Variants in ZMIZ1 observed in about 807,000 individuals in gnomAD.
ZMIZ1 encodes the protein zinc finger MIZ-type containing 1.
In ZMIZ1, 17 loss-of-function variants were observed where a neutral mutation model predicts 113.9. That is an observed-to-expected ratio of 0.15 (90% confidence interval 0.10 to 0.22). ZMIZ1 has a LOEUF of 0.22. Ranked by LOEUF, ZMIZ1 falls within the 10% of genes least tolerant of loss-of-function variation. The pLI, the probability that ZMIZ1 is intolerant of heterozygous loss-of-function variation, is 1.00. For synonymous variants in ZMIZ1, 607 were observed against 603.1 expected, an observed-to-expected ratio of 1.01 and a Z score of -0.09; for missense variants, 1,059 against 1,477.8, an observed-to-expected ratio of 0.72 and a Z score of 4.65.
chr10:79,315,620 C>A lies in ZMIZ1; in HGVS notation c.*2871C>A, dbSNP rs1440227823. On this transcript the variant is annotated 3_prime_UTR_variant, in exon 25 of 25. Transcript: ENST00000334512. Reference sequence around the variant, plus strand: ...TATCCATGTATCATGTTCCGTGTAGCCATTTTATTTTTTAAGAAACTGCTA... The same window carrying A: ...TATCCATGTATCATGTTCCGTGTAGACATTTTATTTTTTAAGAAACTGCTA... 1 of 152,764 alleles carries A rather than the reference C, an allele frequency of 6.5e-6. No individual in the cohort carries two copies. Among genetic ancestry groups the A allele is most frequent in the Non-Finnish European group, 1.5e-5 (1 of 68,058 alleles). The allele number at this position is 152,764 out of a possible 1,614,324, so 9.5% of individuals were successfully genotyped here. A position where few individuals can be genotyped will look rare whatever the true frequency, so the allele number is the denominator to read the frequency against.
intron 4 of ZMIZ1, among the ~76,000 whole-genome samples, chr10:79,201,303 C>G (rs536944132): frequency 6.6e-6 from 1 of 152,192 alleles, no homozygotes; most frequent in East Asian, 1.9e-4. Flanking sequence ...AGCAAAACTC[C>G]ATCTCAAAAA....
At chr10:79,168,429 C>T (rs1846456426) in intron 4 of ZMIZ1, among the ~76,000 whole-genome samples, 1 of 152,224 alleles carries the variant, frequency 6.6e-6, no homozygotes, top group African/African-American at 2.4e-5. Context: ...CAGCCATCTG[C>T]TCTTTCCCCA....
chr10:79,265,023 T>C (rs781583368), intron 7 of ZMIZ1, among the ~76,000 whole-genome samples: 19 of 152,116 alleles, frequency 1.2e-4, no homozygotes, highest in Non-Finnish European at 2.2e-4. Flanking sequence ...GGGTGAGGCA[T>C]GGCCAAACCG....
intron 2 of ZMIZ1, among the ~76,000 whole-genome samples, chr10:79,126,193 C>T (rs1224606974): frequency 2.0e-5 from 3 of 152,194 alleles, no homozygotes; most frequent in African/African-American, 7.2e-5. Flanking sequence ...ATTTGTAGGC[C>T]CAATGGTCAG....
At chr10:79,221,362 C>G (rs1053037075) in intron 7 of ZMIZ1, among the ~76,000 whole-genome samples, 1 of 152,222 alleles carries the variant, frequency 6.6e-6, no homozygotes, top group Non-Finnish European at 1.5e-5. Context: ...CGGCTCCACG[C>G]GGCCCTGGAC....
At chr10:79,216,987 G>A (rs921265801) in intron 7 of ZMIZ1, among the ~76,000 whole-genome samples, 1 of 152,202 alleles carries the variant, frequency 6.6e-6, no homozygotes, top group East Asian at 1.9e-4. Flanking sequence ...CCTGGCTTAG[G>A]CCACAGGCAC....
At chr10:79,301,767 T>C (rs1263946852) in intron 17 of ZMIZ1, among the ~76,000 whole-genome samples, 3 of 150,506 alleles carry the variant, frequency 2.0e-5, no homozygotes, top group Non-Finnish European at 4.4e-5. Flanking sequence ...CCTGGAGGAG[T>C]GAAGGGAGGG....
chr10:79,070,165 C>T (rs1419434438), intron 1 of ZMIZ1, among the ~76,000 whole-genome samples: 1 of 151,566 alleles, frequency 6.6e-6, no homozygotes, highest in African/African-American at 2.4e-5. Context: ...GAGGCGGGTT[C>T]TGGAAGCTTG....
At chr10:79,300,523 G>C (rs1040519670) in intron 16 of ZMIZ1, among the ~76,000 whole-genome samples, 1 of 152,154 alleles carries the variant, frequency 6.6e-6, no homozygotes, top group Non-Finnish European at 1.5e-5. Context: ...ATTGGTGTGC[G>C]GGGGTCTTGG....
intron 1 of ZMIZ1, among the ~76,000 whole-genome samples, chr10:79,106,064 T>C (rs148741645): frequency 1.1e-3 from 175 of 152,318 alleles, no homozygotes; most frequent in African/African-American, 3.9e-3. Context: ...CATTCTGGCA[T>C]CCGGGCCAAG....
intron 7 of ZMIZ1, among the ~76,000 whole-genome samples, chr10:79,261,811 C>G (rs980327075): frequency 2.0e-5 from 3 of 152,220 alleles, no homozygotes; most frequent in African/African-American, 7.2e-5. Flanking sequence ...TACCTTGTTA[C>G]ACCTTTAGAG....
intron 7 of ZMIZ1, among the ~76,000 whole-genome samples, chr10:79,261,558 G>C (rs1240288580): frequency 1.3e-5 from 2 of 152,230 alleles, no homozygotes; most frequent in Non-Finnish European, 2.9e-5. Context: ...ACCTGGGGCT[G>C]CTTCCTAGAG....
At chr10:79,176,819 G>C (rs1032404849) in intron 4 of ZMIZ1, among the ~76,000 whole-genome samples, 1 of 152,206 alleles carries the variant, frequency 6.6e-6, no homozygotes, top group Non-Finnish European at 1.5e-5. Context: ...TAATCTGATG[G>C]CATTGGGAAG....
intron 8 of ZMIZ1, among the ~76,000 whole-genome samples, chr10:79,287,486 CT>C (rs1853160686): frequency 6.6e-6 from 1 of 152,262 alleles, no homozygotes. Context: ...TGGGAAAGCC[CT>C]TTGACTGCAT....
chr10:79,286,558 G>A (rs904390298), intron 8 of ZMIZ1, among the ~76,000 whole-genome samples: 1 of 152,282 alleles, frequency 6.6e-6, no homozygotes, highest in African/African-American at 2.4e-5. Flanking sequence ...CAGCATGCCA[G>A]CAGGGCCTCG....
intron 7 of ZMIZ1, among the ~76,000 whole-genome samples, chr10:79,227,039 G>A (rs1347560531): frequency 1.3e-5 from 2 of 152,212 alleles, no homozygotes; most frequent in Non-Finnish European, 2.9e-5. Flanking sequence ...TGAGGAAACT[G>A]AGGTTTAGAT....
chr10:79,140,552 C>T (rs957444883), intron 3 of ZMIZ1, among the ~76,000 whole-genome samples: 3 of 152,176 alleles, frequency 2.0e-5, no homozygotes, highest in African/African-American at 7.2e-5. Context: ...ATCCCTCCAT[C>T]CATCCATCAT....
intron 2 of ZMIZ1, among the ~76,000 whole-genome samples, chr10:79,127,495 A>G (rs903190854): frequency 7.1e-6 from 1 of 141,438 alleles, no homozygotes; most frequent in Non-Finnish European, 1.5e-5. Context: ...ACCCCACAGC[A>G]GGGGGTGGCA....
chr10:79,314,949 T>G lies in ZMIZ1; in HGVS notation c.*2200T>G, dbSNP rs1365687464. The G allele has an allele frequency of 1.3e-5, 2 of 152,720 alleles. No individual in the cohort carries two copies. Among genetic ancestry groups the G allele is most frequent in the Non-Finnish European group, 2.9e-5 (2 of 68,204 alleles). The allele number at this position is 152,720 out of a possible 1,614,324, so 9.5% of individuals were successfully genotyped here. A position where few individuals can be genotyped will look rare whatever the true frequency, so the allele number is the denominator to read the frequency against. On this transcript the variant is annotated 3_prime_UTR_variant, in exon 25 of 25. Coordinates refer to ENST00000334512, the MANE Select transcript of ZMIZ1 (RefSeq NM_020338.4). ...ACTTACAGATGCCTTCCTTAGGAGT[T>G]CTTGCTTCTTGCGTTGATACTTTGC...
Sources: gnomAD v4.1 joint callset for allele counts (sites outside exome capture counted in the v4.1 genomes callset) on GRCh38, gnomAD v4.1.1 for gene constraint, MANE v1.5 for transcripts, NCBI Gene and HGNC (gene_info 2026-07-23, HGNC 2026-07-21) for gene names.